TTC3: variants seen among roughly 807,000 people sequenced by gnomAD.
The protein encoded by TTC3 is E3 ubiquitin-protein ligase TTC3.
In TTC3, 180 loss-of-function variants were observed where a neutral mutation model predicts 249.6. The ratio of observed to expected loss-of-function variants is 0.72; its 90% CI spans 0.64 to 0.82. TTC3 has a LOEUF of 0.82. Among genes scored for constraint, TTC3 ranks in the 40% least tolerant of loss-of-function variants. The pLI, the probability that TTC3 is intolerant of heterozygous loss-of-function variation, is 0.00. For missense variants in TTC3, 2,061 were observed against 2,398.4 expected, an observed-to-expected ratio of 0.86 and a Z score of 2.94; for synonymous variants, 717 against 805.0, an observed-to-expected ratio of 0.89 and a Z score of 1.85.
intron 22 of TTC3, among the ~76,000 whole-genome samples, chr21:37,147,973 C>T (rs2079130094): frequency 6.6e-6 from 1 of 152,160 alleles, no homozygotes; most frequent in African/African-American, 2.4e-5. Context: ...GTGATCCACC[C>T]CCTCAGCCTC....
intron 44 of TTC3, among the ~76,000 whole-genome samples, chr21:37,199,759 G>A (rs1377256447): frequency 6.6e-6 from 1 of 152,192 alleles, no homozygotes; most frequent in African/African-American, 2.4e-5. Flanking sequence ...ATGTTGTCTT[G>A]TTAGCTGCTT....
At chr21:37,125,756 T>C (rs1445614194) in intron 14 of TTC3, among the ~76,000 whole-genome samples, 1 of 152,148 alleles carries the variant, frequency 6.6e-6, no homozygotes, top group Non-Finnish European at 1.5e-5. Flanking sequence ...AAAAATAGTT[T>C]TACTCTCAGG....
intron 26 of TTC3, 23 bp downstream of exon 26, chr21:37,152,052 A>G: frequency 6.5e-7 from 1 of 1,550,320 alleles, no homozygotes; most frequent in South Asian, 1.3e-5. Flanking sequence ...CAAAGGCATG[A>G]TAAGAATAAT....
intron 8 of TTC3, among the ~76,000 whole-genome samples, chr21:37,095,137 ATGTGTGTG>A (rs57682889): frequency 4.7e-5 from 7 of 147,490 alleles, no homozygotes; most frequent in Non-Finnish European, 1.0e-4. Flanking sequence ...CTCTAAAAAT[ATGTGTGTG>A]TGTGTGTGTG....
intron 11 of TTC3, among the ~76,000 whole-genome samples, chr21:37,110,440 C>T (rs918253372): frequency 5.9e-5 from 9 of 152,120 alleles, no homozygotes; most frequent in Non-Finnish European, 8.8e-5. Context: ...ATGCGATCAA[C>T]TGGAAGAAAG....
chr21:37,103,768 G>T (rs894599515), intron 10 of TTC3, among the ~76,000 whole-genome samples: 2 of 152,168 alleles, frequency 1.3e-5, no homozygotes, highest in Non-Finnish European at 2.9e-5. Context: ...CCTTGTAGTG[G>T]GAAGGAATTT....
chr21:37,130,762 T>A (rs2077406006), intron 16 of TTC3, among the ~76,000 whole-genome samples: 1 of 151,204 alleles, frequency 6.6e-6, no homozygotes, highest in African/African-American at 2.4e-5. Context: ...TTTTCCTCCC[T>A]CACTTTCTAT....
intron 20 of TTC3, among the ~76,000 whole-genome samples, chr21:37,142,007 A>T (rs2078516987): frequency 6.6e-6 from 1 of 152,212 alleles, no homozygotes; most frequent in Non-Finnish European, 1.5e-5. Context: ...AAACCGCATG[A>T]TTATCTCAAT....
intron 10 of TTC3, among the ~76,000 whole-genome samples, chr21:37,107,017 T>A (rs2075142455): frequency 6.6e-6 from 1 of 152,004 alleles, no homozygotes; most frequent in Non-Finnish European, 1.5e-5. Context: ...TGTGTAAGAA[T>A]CCATTTCTAG....
intron 5 of TTC3, among the ~76,000 whole-genome samples, chr21:37,090,017 A>G (rs1048692307): frequency 4.6e-5 from 7 of 152,004 alleles, no homozygotes; most frequent in African/African-American, 1.2e-4. Flanking sequence ...TCTAAAGATT[A>G]TACTAAGTTA....
chr21:37,091,082 A>C (rs559110984), intron 6 of TTC3, among the ~76,000 whole-genome samples: 15 of 152,208 alleles, frequency 9.9e-5, no homozygotes, highest in Non-Finnish European at 2.1e-4. Flanking sequence ...AAGTCACCTG[A>C]AGAGGTAACA....
intron 1 of TTC3, among the ~76,000 whole-genome samples, chr21:37,077,508 A>G (rs2071062625): frequency 6.6e-6 from 1 of 152,222 alleles, no homozygotes; most frequent in African/African-American, 2.4e-5. Context: ...GGGTTGTATC[A>G]GTTTGTACTT....
chr21:37,138,774 T>A, intron 19 of TTC3, 60 bp downstream of exon 19: 1 of 1,233,444 alleles, frequency 8.1e-7, no homozygotes, highest in Non-Finnish European at 1.1e-6. Flanking sequence ...CTTATAAAAA[T>A]TATTTTCTCA....
At chr21:37,108,544 A>T in intron 11 of TTC3, 98 bp downstream of exon 11, 1 of 1,178,364 alleles carries the variant, frequency 8.5e-7, no homozygotes, top group Non-Finnish European at 1.2e-6. Flanking sequence ...ATGCTATATG[A>T]AATTACGTAG....
intron 11 of TTC3, among the ~76,000 whole-genome samples, chr21:37,118,412 C>T (rs1366324080): frequency 1.3e-5 from 2 of 152,070 alleles, no homozygotes; most frequent in East Asian, 1.9e-4. Flanking sequence ...AGTCATTTGT[C>T]CTGAAGAGTG....
intron 1 of TTC3, chr21:37,081,969 A>G (rs1487939869): frequency 1.3e-5 from 2 of 149,922 alleles, no homozygotes; most frequent in South Asian, 2.1e-4. Context: ...GGTTCACGCC[A>G]TTCTCCTGCC....
At chr21:37,175,406 G>C (rs1026048620) in intron 35 of TTC3, among the ~76,000 whole-genome samples, 1 of 151,566 alleles carries the variant, frequency 6.6e-6, no homozygotes, top group Non-Finnish European at 1.5e-5. Flanking sequence ...AGACCAGCCT[G>C]GTCAACATGG....
At chr21:37,185,843 G>A (rs778961997) in intron 37 of TTC3, 69 bp downstream of exon 37, 1 of 853,512 alleles carries the variant, frequency 1.2e-6, no homozygotes, top group Non-Finnish European at 1.7e-6. Context: ...AAGCACAGTA[G>A]ACTTTGAAAT....
rs139460991 is a variant in TTC3 at position 37,088,389 on chromosome 21, A to G, written c.338+43A>G. 6 of 1,576,114 alleles carry G rather than the reference A, an allele frequency of 3.8e-6. No individual in the cohort carries two copies. The African/African-American group carries it at 6.7e-5, about 18-fold the overall frequency. On this transcript the variant is annotated intron_variant, in intron 4 of 45. Transcript: ENST00000355666. ...GCTCATTTTGTGTGGACAGTGATAA[A>G]CATGTTACCCAATACCAAGAAATGC...
Sources: allele counts gnomAD v4.1 joint callset (sites outside exome capture counted in the v4.1 genomes callset), GRCh38; gene constraint gnomAD v4.1.1; transcripts MANE v1.5; gene names NCBI Gene and HGNC (gene_info 2026-07-23, HGNC 2026-07-21).